The following RSPO1 variants were observed in gnomAD, a reference collection of about 807,000 sequenced individuals.
RSPO1 encodes the protein R-spondin 1.
A neutral mutation model predicts 26.0 loss-of-function variants in RSPO1; 18 were observed. That is an observed-to-expected ratio of 0.69 (90% confidence interval 0.48 to 1.03). The LOEUF (loss-of-function observed/expected upper bound fraction) is 1.03. Among genes scored for constraint, RSPO1 ranks in the 50% least tolerant of loss-of-function variants. RSPO1 has a pLI of 0.00. For missense variants in RSPO1, 309 were observed against 352.3 expected (o/e 0.88, Z 0.98); for synonymous variants, 133 against 137.4 (o/e 0.97, Z 0.22).
chr1:37,614,046 T>G, intron 5 of RSPO1, 138 bp downstream of exon 5: 1 of 1,330,996 alleles, frequency 7.5e-7, no homozygotes. Flanking sequence ...AGAAAAGTCC[T>G]TGGAGACTCA....
intron 3 of RSPO1, among the ~76,000 whole-genome samples, chr1:37,628,906 A>G (rs1644316952): frequency 6.6e-6 from 1 of 152,226 alleles, no homozygotes; most frequent in African/African-American, 2.4e-5. Context: ...ACGACTTCTT[A>G]TGTGGATGCT....
intron 3 of RSPO1, among the ~76,000 whole-genome samples, chr1:37,623,486 A>G (rs1644232378): frequency 6.6e-6 from 1 of 152,096 alleles, no homozygotes; most frequent in African/African-American, 2.4e-5. Context: ...AGAGAGGCAG[A>G]GGGCACTCCC....
At chr1:37,615,839 G>A (rs905062468) in intron 4 of RSPO1, among the ~76,000 whole-genome samples, 7 of 152,224 alleles carry the variant, frequency 4.6e-5, no homozygotes, top group Non-Finnish European at 8.8e-5. Flanking sequence ...GGAAGAGCAG[G>A]CTGCCTGGGC....
chr1:37,620,546 A>G (rs146154291), intron 3 of RSPO1, among the ~76,000 whole-genome samples: 6,814 of 151,970 alleles, frequency 0.045, 188 homozygotes, highest in Non-Finnish European at 0.063. Context: ...CATAAGAATC[A>G]CTTGAACCCA....
rs529254798 is a variant in RSPO1 at position 37,630,762 on chromosome 1, G to A, written c.-288-813C>T. On this transcript the variant is annotated intron_variant, in intron 2 of 6. Transcript: ENST00000356545. ...AATGAAAACCCTGCTTCCCCGTCAC[G>A]GGATCACACACATGCTCTGATGCTC... Among the ~76,000 whole-genome samples the A allele has an allele frequency of 2.6e-5, 4 of 152,272 alleles. No individual in the cohort carries two copies. In the East Asian group the frequency reaches 5.8e-4, roughly 22 times the overall value.
intron 3 of RSPO1, among the ~76,000 whole-genome samples, chr1:37,627,278 T>A (rs1490773073): frequency 6.6e-6 from 1 of 152,134 alleles, no homozygotes; most frequent in Non-Finnish European, 1.5e-5. Context: ...GCTGTCTTGG[T>A]CTTCCTTCTT....
chr1:37,627,979 T>C (rs892728421), intron 3 of RSPO1, among the ~76,000 whole-genome samples: 9 of 152,184 alleles, frequency 5.9e-5, no homozygotes, highest in Admixed American at 5.9e-4. Context: ...CACGTCAAAA[T>C]TGGTGCAGGA....
At position 37,621,121 on chromosome 1, in the gene RSPO1, G is replaced by A. The variant is rs574329526; in HGVS notation, c.95-4446C>T. Among the ~76,000 whole-genome samples, 10 of 152,232 alleles carry A rather than the reference G, an allele frequency of 6.6e-5. No homozygotes were observed. In the South Asian group the frequency reaches 1.5e-3, roughly 22 times the overall value. On this transcript the variant is annotated intron_variant, in intron 3 of 6. Coordinates refer to ENST00000356545, the MANE Select transcript of RSPO1 (RefSeq NM_001242908.2). ...TTTCTTCAGCACCATCAATGGCACC[G>A]CAGAGAAAGTATGGCACACCCAGGG...
chr1:37,620,664 G>A (rs1388512001), intron 3 of RSPO1, among the ~76,000 whole-genome samples: 2 of 134,684 alleles, frequency 1.5e-5, no homozygotes, highest in African/African-American at 3.0e-5. Flanking sequence ...AATAATATAT[G>A]ATAAAAATAA....
chr1:37,624,208 C>T (rs1644244920), intron 3 of RSPO1, among the ~76,000 whole-genome samples: 1 of 152,114 alleles, frequency 6.6e-6, no homozygotes, highest in Non-Finnish European at 1.5e-5. Context: ...ATATCTTGAG[C>T]CCAGGAGTTT....
At chr1:37,616,796 A>T in intron 3 of RSPO1, 121 bp from the exon 4 acceptor site, 1 of 967,504 alleles carries the variant, frequency 1.0e-6, no homozygotes, top group Non-Finnish European at 1.6e-6. Flanking sequence ...TATGCTTCTC[A>T]GAAAGCACCG....
At position 37,614,329 on chromosome 1, in the gene RSPO1, G is replaced by A. The variant is rs1644077455; in HGVS notation, c.291C>T (p.Cys97=). The A allele has an allele frequency of 6.2e-7, 1 of 1,613,550 alleles. No individual in the cohort carries two copies. The highest frequency in any genetic ancestry group is 1.3e-5 in the African/African-American group (1 of 74,906). ...AGCAGGCCTCACAGTGCTCGATCTT[G>A]CATTCTGAGGAGAGGACAGATTGGG... The part of the protein sequence containing the change: ...RNPDMNKCIK[C]KIEHCEACFS... Residue 97 remains cysteine, a synonymous_variant, in exon 5 of 7, where the codon TGC becomes TGT. Coordinates refer to ENST00000356545, the MANE Select transcript of RSPO1 (RefSeq NM_001242908.2).
At chr1:37,633,177 C>T (rs1644384241) in intron 1 of RSPO1, among the ~76,000 whole-genome samples, 2 of 152,190 alleles carry the variant, frequency 1.3e-5, no homozygotes, top group Non-Finnish European at 2.9e-5. Flanking sequence ...GAGACCTGGC[C>T]CTGAATGGTT....
At chr1:37,625,860 G>T (rs1644268020) in intron 3 of RSPO1, among the ~76,000 whole-genome samples, 1 of 152,092 alleles carries the variant, frequency 6.6e-6, no homozygotes, top group Non-Finnish European at 1.5e-5. Context: ...TGTATTTTTA[G>T]TGGAGACAAG....
Position 37,634,233 on chromosome 1 carries a change from T to C in RSPO1, c.-356+333A>G, listed in dbSNP as rs530484217. The stretch of plus-strand genomic sequence containing the variant: ...AATGAGCCCCAGGATCAAGAACTTC[T>C]GGATTGGAGGCGGGGTATAAACAGG... On this transcript the variant is annotated intron_variant, in intron 1 of 6. Transcript: ENST00000356545. This position sits in a 1 kb window ranked among gnomAD's most constrained non-coding sequence, Gnocchi z 4.7. Among the ~76,000 whole-genome samples, 4 of 152,152 alleles carry C rather than the reference T, an allele frequency of 2.6e-5. No homozygotes were observed. In the East Asian group the frequency reaches 7.8e-4, roughly 30 times the overall value.
chr1:37,616,013 G>A (rs965034975), intron 4 of RSPO1, among the ~76,000 whole-genome samples: 1 of 152,226 alleles, frequency 6.6e-6, no homozygotes, highest in African/African-American at 2.4e-5. Flanking sequence ...GGGGTAGGGT[G>A]TGTGTCTCAG....
chr1:37,618,744 G>T (rs547227138), intron 3 of RSPO1, among the ~76,000 whole-genome samples: 1 of 152,272 alleles, frequency 6.6e-6, no homozygotes, highest in African/African-American at 2.4e-5. Context: ...CCTGGGGTGT[G>T]GGTGAGCTGT....
chr1:37,633,197 A>G (rs1413781914), intron 1 of RSPO1, among the ~76,000 whole-genome samples: 3 of 152,246 alleles, frequency 2.0e-5, no homozygotes, highest in Admixed American at 6.5e-5. Context: ...TAAGTGTCCC[A>G]GGGGTTACAG....
intron 2 of RSPO1, among the ~76,000 whole-genome samples, chr1:37,631,410 C>T (rs933402644): frequency 2.6e-5 from 4 of 152,172 alleles, no homozygotes; most frequent in Non-Finnish European, 4.4e-5. Flanking sequence ...GCCTGATTTA[C>T]CAAAGCCTTT....
Sources: gnomAD v4.1 joint callset for allele counts (sites outside exome capture counted in the v4.1 genomes callset) on GRCh38, gnomAD v4.1.1 for gene constraint, Gnocchi (gnomAD v3.1) non-coding constraint, MANE v1.5 for transcripts, NCBI Gene and HGNC (gene_info 2026-07-23, HGNC 2026-07-21) for gene names.